The following TENM3 variants were observed in gnomAD, a reference collection of about 807,000 sequenced individuals.
TENM3 encodes the protein teneurin transmembrane protein 3.
In TENM3, 63 loss-of-function variants were observed where a neutral mutation model predicts 255.1. The ratio of observed to expected loss-of-function variants is 0.25; its 90% confidence interval spans 0.20 to 0.30. TENM3 has a LOEUF of 0.30. Among genes scored for constraint, TENM3 ranks in the 10% least tolerant of loss-of-function variants. The pLI, the probability that TENM3 is intolerant of heterozygous loss-of-function variation, is 1.00. For missense variants in TENM3, 2,929 were observed against 3,461.1 expected (o/e 0.85, Z 3.86); for synonymous variants, 1,306 against 1,322.3 (o/e 0.99, Z 0.27).
At chr4:182,629,188 A>G (rs1370760043) in intron 5 of TENM3, among the ~76,000 whole-genome samples, 2 of 152,208 alleles carry the variant, frequency 1.3e-5, no homozygotes, top group African/African-American at 4.8e-5. Flanking sequence ...TTTCATGTAC[A>G]CAAAATAATT....
At chr4:181,968,232 T>G in the TENM3 span, among the ~76,000 whole-genome samples, 1 of 152,142 alleles carries the variant, frequency 6.6e-6, no homozygotes, top group Admixed American at 6.6e-5. Flanking sequence ...TGAACTAAAG[T>G]TTCCTTCAGT....
chr4:182,501,373 T>TGGG lies in TENM3; in HGVS notation c.512-99542_512-99540dup, dbSNP rs57346256. The stretch of plus-strand genomic sequence containing the variant: ...AAATAGTTAAAGCTATGTCTAAAAG[T>TGGG]GGGGGGGGGGGTTGGCAATTAATCT... On this transcript the variant is annotated intron_variant, in intron 3 of 27. Transcript: ENST00000511685. 4.5e-4 allele frequency among the ~76,000 whole-genome samples: 61 copies of TGGG among 135,364 alleles called. 1 individual carries two copies. The highest frequency in any genetic ancestry group is 1.5e-3 in the African/African-American group (54 of 36,018). The allele number at this position is 135,364 out of a possible 152,430, so 88.8% of individuals were successfully genotyped here.
At chr4:182,589,427 T>C (rs149176568) in intron 3 of TENM3, among the ~76,000 whole-genome samples, 75 of 150,874 alleles carry the variant, frequency 5.0e-4, no homozygotes, top group African/African-American at 1.6e-3. Context: ...TTTCATAGTG[T>C]CTAATTCTTA....
the TENM3 span, among the ~76,000 whole-genome samples, chr4:181,454,743 A>G: frequency 1.1e-5 from 1 of 94,368 alleles, no homozygotes; most frequent in Non-Finnish European, 2.2e-5. Context: ...TTGTGTTACA[A>G]TTGCCTACAG....
intron 3 of TENM3, among the ~76,000 whole-genome samples, chr4:182,468,526 A>G (rs975412819): frequency 6.6e-6 from 1 of 152,140 alleles, no homozygotes; most frequent in Non-Finnish European, 1.5e-5. Flanking sequence ...TTCTTCCGTT[A>G]TCCTTTTATT....
chr4:181,496,536 C>A, the TENM3 span, among the ~76,000 whole-genome samples: 36 of 152,086 alleles, frequency 2.4e-4, no homozygotes, highest in African/African-American at 8.4e-4. Context: ...TACAATGTTT[C>A]TTGCCATTAA....
intron 13 of TENM3, among the ~76,000 whole-genome samples, chr4:182,720,572 C>G (rs1210963284): frequency 6.6e-6 from 1 of 152,124 alleles, no homozygotes; most frequent in African/African-American, 2.4e-5. Context: ...AACCCTTTGG[C>G]TATCCACAGA....
the TENM3 span, among the ~76,000 whole-genome samples, chr4:181,521,993 C>T: frequency 2.0e-5 from 3 of 147,586 alleles, no homozygotes; most frequent in Non-Finnish European, 3.0e-5. Flanking sequence ...CCCAGCTACT[C>T]GGGAGGCTGA....
At chr4:181,683,355 C>G in the TENM3 span, among the ~76,000 whole-genome samples, 1 of 152,142 alleles carries the variant, frequency 6.6e-6, no homozygotes, top group African/African-American at 2.4e-5. Context: ...AAAACTTACA[C>G]TTCTAACCAC....
chr4:181,642,574 G>C, the TENM3 span, among the ~76,000 whole-genome samples: 2 of 151,850 alleles, frequency 1.3e-5, no homozygotes, highest in Non-Finnish European at 2.9e-5. Context: ...GTATTGCCTA[G>C]GTTTTCTTCT....
At chr4:182,747,225 A>G (rs1762070461) in intron 19 of TENM3, among the ~76,000 whole-genome samples, 1 of 152,184 alleles carries the variant, frequency 6.6e-6, no homozygotes, top group Non-Finnish European at 1.5e-5. Flanking sequence ...ATCCTCTTCT[A>G]TATTTCATAT....
the TENM3 span, among the ~76,000 whole-genome samples, chr4:181,659,108 C>T: frequency 6.6e-6 from 1 of 152,060 alleles, no homozygotes; most frequent in African/African-American, 2.4e-5. Context: ...ATCCCAATAT[C>T]GTAAGAACAG....
intron 1 of TENM3, among the ~76,000 whole-genome samples, chr4:182,162,347 A>G (rs552564317): frequency 3.3e-5 from 5 of 152,268 alleles, no homozygotes; most frequent in Admixed American, 2.6e-4. Flanking sequence ...CTGTGAAGAA[A>G]GGGGTACAAA....
At chr4:182,598,350 T>C (rs1747484270) in intron 3 of TENM3, among the ~76,000 whole-genome samples, 1 of 152,186 alleles carries the variant, frequency 6.6e-6, no homozygotes, top group Admixed American at 6.5e-5. Flanking sequence ...GAGGTTCCAG[T>C]AAACAGCACA....
At chr4:182,197,350 G>A (rs1316480868) in intron 1 of TENM3, among the ~76,000 whole-genome samples, 1 of 152,166 alleles carries the variant, frequency 6.6e-6, no homozygotes, top group Non-Finnish European at 1.5e-5. Context: ...CCTAGCCATG[G>A]AGGGATGTGA....
chr4:182,578,258 A>G (rs1745136411), intron 3 of TENM3, among the ~76,000 whole-genome samples: 1 of 152,176 alleles, frequency 6.6e-6, no homozygotes, highest in Non-Finnish European at 1.5e-5. Flanking sequence ...TACAGGCGTG[A>G]GCCACCACCC....
the TENM3 span, among the ~76,000 whole-genome samples, chr4:181,540,455 CT>C: frequency 6.6e-6 from 1 of 152,136 alleles, no homozygotes; most frequent in African/African-American, 2.4e-5. Flanking sequence ...TAGTGACTTT[CT>C]TCCAAAGAGT....
the TENM3 span, among the ~76,000 whole-genome samples, chr4:182,108,146 C>T: frequency 6.6e-6 from 1 of 152,142 alleles, no homozygotes; most frequent in Non-Finnish European, 1.5e-5. Context: ...GAGCATGTGC[C>T]CAGCCTGCAC....
intron 3 of TENM3, among the ~76,000 whole-genome samples, chr4:182,501,478 G>C (rs1196697481): frequency 6.6e-6 from 1 of 151,840 alleles, no homozygotes; most frequent in African/African-American, 2.4e-5. Context: ...TCATATTTTA[G>C]AGTATTTGTT....
Sources: allele counts gnomAD v4.1 joint callset (sites outside exome capture counted in the v4.1 genomes callset), GRCh38; gene constraint gnomAD v4.1.1; transcripts MANE v1.5; gene names NCBI Gene and HGNC (gene_info 2026-07-23, HGNC 2026-07-21).